Variants in SLIT1 observed in about 807,000 individuals in gnomAD.
The protein encoded by SLIT1 is slit homolog 1 protein.
A neutral mutation model predicts 186.1 loss-of-function variants in SLIT1; 66 were observed. The observed-to-expected ratio is 0.35, with a 90% CI of 0.29 to 0.44. The LOEUF (loss-of-function observed/expected upper bound fraction) is 0.44. Ranked by LOEUF, SLIT1 falls within the 20% of genes least tolerant of loss-of-function variation. The probability of loss-of-function intolerance (pLI) is 1.00; values close to 1 mark genes in which losing one functional copy is unlikely to be tolerated. For missense variants in SLIT1, 1,638 were observed against 2,037.4 expected, an observed-to-expected ratio of 0.80 and a Z score of 3.77; for synonymous variants, 761 against 833.8, an observed-to-expected ratio of 0.91 and a Z score of 1.50.
In SLIT1 at chr10:97,011,025, G is replaced by A. The variant is rs759980432; in HGVS notation, c.3309C>T (p.Asn1103=). 1.2e-5 allele frequency: 20 copies of A among 1,613,998 alleles called. No individual in the cohort carries two copies. Among genetic ancestry groups the A allele is most frequent in the Non-Finnish European group, 1.4e-5 (16 of 1,179,972 alleles). The change falls in exon 31 of 37, where the codon AAC becomes AAT. Residue 1103 remains asparagine, a synonymous_variant. Coordinates refer to ENST00000266058, the MANE Select transcript of SLIT1 (RefSeq NM_003061.3). ...CCTCAGCACAGAGGCAGGAGTAGCT[G>A]TTGACTTCATCCATACACTGGGCCC... The part of the protein sequence containing the change: ...QNGAQCMDEV[N]SYSCLCAEGY...
chr10:97,002,638 C>CA, intron 35 of SLIT1, 66 bp downstream of exon 35: 1 of 1,404,014 alleles, frequency 7.1e-7, no homozygotes, highest in South Asian at 1.4e-5. Context: ...AACTGTGAGG[C>CA]AGCCCTTCCC....
intron 4 of SLIT1, among the ~76,000 whole-genome samples, chr10:97,111,057 G>A (rs1424397904): frequency 6.6e-6 from 1 of 152,084 alleles, no homozygotes; most frequent in African/African-American, 2.4e-5. Flanking sequence ...AGGCCTGGTG[G>A]CAGGCACCTG....
intron 4 of SLIT1, among the ~76,000 whole-genome samples, chr10:97,081,751 AG>A (rs1447142556): frequency 3.3e-5 from 5 of 152,198 alleles, no homozygotes; most frequent in African/African-American, 1.2e-4. Flanking sequence ...CAGTTGGCTG[AG>A]GGTCATCTGC....
Position 97,021,828 on chromosome 10 carries a change from G to T in SLIT1, c.2583-415C>A, listed in dbSNP as rs1564655464. On this transcript the variant is annotated intron_variant, in intron 25 of 36. Coordinates refer to ENST00000266058, the MANE Select transcript of SLIT1 (RefSeq NM_003061.3). The surrounding 1 kb of genome is among the most constrained non-coding windows in gnomAD (Gnocchi z 4.5). ...TCCACTCACCTCAGCCTCCCAAAGT[G>T]CTGGGATTACAGGCGTGAGCCACCG... Among the ~76,000 whole-genome samples the T allele has an allele frequency of 6.6e-6, 1 of 152,196 alleles. No homozygotes were observed. The highest frequency in any genetic ancestry group is 2.4e-5 in the African/African-American group (1 of 41,434).
At chr10:97,165,681 G>C (rs1435157671) in intron 1 of SLIT1, among the ~76,000 whole-genome samples, 2 of 152,176 alleles carry the variant, frequency 1.3e-5, no homozygotes, top group Admixed American at 1.3e-4. Flanking sequence ...CCGAGGGCCA[G>C]CGGAGGCTCT....
intron 25 of SLIT1, among the ~76,000 whole-genome samples, chr10:97,028,246 C>T (rs943775488): frequency 6.6e-6 from 1 of 152,232 alleles, no homozygotes; most frequent in Non-Finnish European, 1.5e-5. Flanking sequence ...TGTCCAGAGG[C>T]ACCACCTCCA....
intron 4 of SLIT1, among the ~76,000 whole-genome samples, chr10:97,106,942 C>T (rs1849420793): frequency 6.6e-6 from 1 of 152,240 alleles, no homozygotes. Flanking sequence ...ACTGGGGAAC[C>T]AGCGGAGGAG....
At chr10:97,179,805 G>C (rs9419834) in intron 1 of SLIT1, among the ~76,000 whole-genome samples, 54,307 of 128,394 alleles carry the variant, frequency 0.42, 14,049 homozygotes, top group East Asian at 0.54. Context: ...CACCCTCCCC[G>C]CCCCCCGGCA....
intron 4 of SLIT1, among the ~76,000 whole-genome samples, chr10:97,089,740 G>C (rs183642968): frequency 6.6e-6 from 1 of 152,036 alleles, no homozygotes; most frequent in African/African-American, 2.4e-5. Context: ...GCCTGTCATC[G>C]TGGAGGGGTG....
intron 3 of SLIT1, among the ~76,000 whole-genome samples, chr10:97,161,208 C>T (rs1383212490): frequency 6.6e-6 from 1 of 152,228 alleles, no homozygotes; most frequent in Non-Finnish European, 1.5e-5. Flanking sequence ...TTTCCCTCCT[C>T]CCCTCCTTCC....
chr10:97,131,882 A>G (rs1398925917), intron 4 of SLIT1, among the ~76,000 whole-genome samples: 1 of 152,220 alleles, frequency 6.6e-6, no homozygotes, highest in Admixed American at 6.5e-5. Context: ...CATGCTGCCA[A>G]TGAGAACACT....
intron 30 of SLIT1, among the ~76,000 whole-genome samples, chr10:97,012,510 C>T (rs895869773): frequency 3.3e-5 from 5 of 152,228 alleles, no homozygotes; most frequent in African/African-American, 1.2e-4. Context: ...GAGCTAAGCA[C>T]AATGCTTGCC....
chr10:97,173,031 C>A (rs940913331), intron 1 of SLIT1, among the ~76,000 whole-genome samples: 1 of 152,210 alleles, frequency 6.6e-6, no homozygotes, highest in African/African-American at 2.4e-5. Flanking sequence ...AAGCTCCACA[C>A]GCAGAGGATG....
At chr10:97,179,800 T>TG (rs1554855909) in intron 1 of SLIT1, among the ~76,000 whole-genome samples, 12 of 126,384 alleles carry the variant, frequency 9.5e-5, no homozygotes, top group Non-Finnish European at 8.8e-5. Context: ...CTCCACACCC[T>TG]CCCCGCCCCC....
chr10:97,087,656 C>G (rs1404465131), intron 4 of SLIT1, among the ~76,000 whole-genome samples: 3 of 151,886 alleles, frequency 2.0e-5, no homozygotes, highest in Non-Finnish European at 2.9e-5. Flanking sequence ...GCCTGAGCCT[C>G]CTGATCACAC....
intron 4 of SLIT1, among the ~76,000 whole-genome samples, chr10:97,069,312 G>A (rs756438504): frequency 7.2e-5 from 11 of 152,214 alleles, no homozygotes; most frequent in African/African-American, 1.7e-4. Context: ...ACCAGTGACC[G>A]GGCTGGGCTT....
chr10:97,151,348 G>C (rs950827732), intron 4 of SLIT1, among the ~76,000 whole-genome samples: 1 of 142,038 alleles, frequency 7.0e-6, no homozygotes, highest in Non-Finnish European at 1.5e-5. Context: ...TGGTAGATGC[G>C]TACGTGGGAG....
At chr10:97,044,080 A>T (rs141399748) in intron 18 of SLIT1, among the ~76,000 whole-genome samples, 59 of 152,332 alleles carry the variant, frequency 3.9e-4, no homozygotes, top group Non-Finnish European at 6.5e-4. Context: ...CCTCATCTAC[A>T]TCTGGAAAAG....
intron 4 of SLIT1, among the ~76,000 whole-genome samples, chr10:97,119,912 G>GATATATATAT (rs1564680617): frequency 1.3e-4 from 2 of 15,840 alleles, no homozygotes; most frequent in Admixed American, 2.6e-3. Context: ...TTTCCAAAGG[G>GATATATATAT]GTATATATAT....
Sources: gnomAD v4.1 joint callset for allele counts (sites outside exome capture counted in the v4.1 genomes callset) on GRCh38, gnomAD v4.1.1 for gene constraint, Gnocchi (gnomAD v3.1) non-coding constraint, MANE v1.5 for transcripts, NCBI Gene and HGNC (gene_info 2026-07-23, HGNC 2026-07-21) for gene names.